Variants in IL1RAPL2 observed in about 807,000 individuals in gnomAD.
IL1RAPL2 encodes X-linked interleukin-1 receptor accessory protein-like 2.
In IL1RAPL2, 3 loss-of-function variants were observed where a neutral mutation model predicts 44.1. The observed-to-expected ratio is 0.07, with a 90% CI of 0.03 to 0.18. The LOEUF is 0.18. Ranked by LOEUF, IL1RAPL2 falls within the 10% of genes least tolerant of loss-of-function variation. The pLI is 1.00. For synonymous variants in IL1RAPL2, 181 were observed against 178.8 expected (o/e 1.01, Z -0.10); for missense variants, 391 against 496.4 (o/e 0.79, Z 2.02).
At chrX:105,265,025 G>A (rs1174704843) in intron 4 of IL1RAPL2, among the ~76,000 whole-genome samples, 1 of 112,355 alleles carries the variant, frequency 8.9e-6, no homozygotes, top group Non-Finnish European at 1.9e-5. Flanking sequence ...TCTTCATCAG[G>A]AGTTATTTTA....
chrX:104,775,898 G>A, intron 2 of IL1RAPL2, among the ~76,000 whole-genome samples: 1 of 110,117 alleles, frequency 9.1e-6, no homozygotes, highest in Non-Finnish European at 1.9e-5. Flanking sequence ...GGGTGGGAAG[G>A]CAAGAAGTGG....
chrX:104,932,793 C>T (rs1314928623), intron 2 of IL1RAPL2, among the ~76,000 whole-genome samples: 1 of 112,356 alleles, frequency 8.9e-6, no homozygotes, highest in Non-Finnish European at 1.9e-5. Flanking sequence ...CTTGTTAATA[C>T]TAGAGTTTGG....
At chrX:104,719,572 A>G (rs1483934102) in intron 2 of IL1RAPL2, among the ~76,000 whole-genome samples, 1 of 111,629 alleles carries the variant, frequency 9.0e-6, no homozygotes, top group African/African-American at 3.3e-5. Flanking sequence ...GTCTCATACC[A>G]ATCTGGGTAT....
intron 2 of IL1RAPL2, among the ~76,000 whole-genome samples, chrX:105,046,691 G>A (rs1164450428): frequency 9.0e-6 from 1 of 111,202 alleles, no homozygotes; most frequent in Non-Finnish European, 1.9e-5. Flanking sequence ...TTATGTGTAA[G>A]TCCTGTTTAC....
chrX:105,291,376 G>A (rs369954533), intron 5 of IL1RAPL2, among the ~76,000 whole-genome samples: 1 of 111,878 alleles, frequency 8.9e-6, no homozygotes, highest in East Asian at 2.8e-4. Context: ...AAACTAAATT[G>A]TAATGTTTTT....
At chrX:105,470,998 C>T (rs1411025995) in intron 5 of IL1RAPL2, among the ~76,000 whole-genome samples, 1 of 111,210 alleles carries the variant, frequency 9.0e-6, no homozygotes, top group Non-Finnish European at 1.9e-5. Flanking sequence ...ACTTTTGCAC[C>T]AACCTAAATA....
intron 2 of IL1RAPL2, among the ~76,000 whole-genome samples, chrX:105,126,212 G>C (rs774486382): frequency 1.8e-5 from 2 of 111,022 alleles, no homozygotes; most frequent in Non-Finnish European, 3.8e-5. Context: ...ATTTGAAAGT[G>C]CTCTATGTAT....
chrX:104,592,019 A>G (rs1928675982), intron 1 of IL1RAPL2, among the ~76,000 whole-genome samples: 1 of 109,958 alleles, frequency 9.1e-6, no homozygotes, highest in African/African-American at 3.3e-5. Context: ...TTGAAAAGGC[A>G]TGAGAATTAT....
At chrX:104,637,362 A>G (rs927992609) in intron 1 of IL1RAPL2, among the ~76,000 whole-genome samples, 22 of 111,486 alleles carry the variant, frequency 2.0e-4, no homozygotes, top group African/African-American at 7.2e-4. Context: ...ACCATCTTGA[A>G]TAGGAGTGGT....
At chrX:105,097,545 A>G (rs964049821) in intron 2 of IL1RAPL2, among the ~76,000 whole-genome samples, 4 of 110,998 alleles carry the variant, frequency 3.6e-5, no homozygotes, top group Non-Finnish European at 7.5e-5. Context: ...AGATTAAGCA[A>G]CATTAAATTT....
chrX:104,893,963 C>G (rs1036257619), intron 2 of IL1RAPL2, among the ~76,000 whole-genome samples: 8 of 111,563 alleles, frequency 7.2e-5, no homozygotes, highest in Non-Finnish European at 1.3e-4. Context: ...CCTTCAGGAG[C>G]TCTTTTAGGG....
intron 8 of IL1RAPL2, among the ~76,000 whole-genome samples, chrX:105,745,859 T>A (rs2038536692): frequency 9.0e-6 from 1 of 110,681 alleles, no homozygotes; most frequent in Non-Finnish European, 1.9e-5. Flanking sequence ...TTGTTTAAAT[T>A]TTTTGTAGAG....
chrX:105,612,791 A>G (rs1161560458), intron 6 of IL1RAPL2, among the ~76,000 whole-genome samples: 1 of 112,123 alleles, frequency 8.9e-6, no homozygotes, highest in African/African-American at 3.2e-5. Context: ...TGGAGGGAAC[A>G]TTTAAACCAG....
chrX:104,835,045 G>GA (rs1484901685), intron 2 of IL1RAPL2, among the ~76,000 whole-genome samples: 14 of 111,312 alleles, frequency 1.3e-4, no homozygotes, highest in South Asian at 3.7e-4. Flanking sequence ...TTTGAAAACA[G>GA]AAAAAAAATG....
intron 5 of IL1RAPL2, among the ~76,000 whole-genome samples, chrX:105,294,181 C>T (rs1194964839): frequency 9.0e-6 from 1 of 111,731 alleles, no homozygotes; most frequent in East Asian, 2.8e-4. Context: ...GGGGAAATTT[C>T]CTTATACTTT....
chrX:105,674,102 T>G (rs1007772300), intron 6 of IL1RAPL2, among the ~76,000 whole-genome samples: 1 of 112,131 alleles, frequency 8.9e-6, no homozygotes, highest in Non-Finnish European at 1.9e-5. Flanking sequence ...GAAAAAATTT[T>G]CTCCCACTGT....
At chrX:105,284,540 C>T (rs2034556449) in intron 5 of IL1RAPL2, among the ~76,000 whole-genome samples, 1 of 111,796 alleles carries the variant, frequency 8.9e-6, no homozygotes, top group Non-Finnish European at 1.9e-5. Context: ...GGAGGTCTGC[C>T]ACCAACAGGA....
chrX:104,671,743 G>C (rs1178196278), intron 2 of IL1RAPL2, among the ~76,000 whole-genome samples: 6 of 111,735 alleles, frequency 5.4e-5, no homozygotes, highest in African/African-American at 2.0e-4. Flanking sequence ...TGGATTACTG[G>C]CACCCTAGCA....
chrX:105,374,447 G>A (rs1007268052), intron 5 of IL1RAPL2, among the ~76,000 whole-genome samples: 17 of 111,414 alleles, frequency 1.5e-4, no homozygotes, highest in African/African-American at 5.2e-4. Flanking sequence ...CCATTTTAAT[G>A]ATATTGATTC....
Sources: gnomAD v4.1 joint callset for allele counts (sites outside exome capture counted in the v4.1 genomes callset) on GRCh38, gnomAD v4.1.1 for gene constraint, MANE v1.5 for transcripts, NCBI Gene and HGNC (gene_info 2026-07-23, HGNC 2026-07-21) for gene names.